PDE7A: variants seen among roughly 807,000 people sequenced by gnomAD.
The protein encoded by PDE7A is phosphodiesterase 7A, also known as high affinity 3',5'-cyclic-AMP phosphodiesterase 7A.
Under a neutral mutation model 64.3 loss-of-function variants are expected in PDE7A, and 39 were observed. The observed-to-expected ratio is 0.61, with a 90% CI of 0.47 to 0.79. The LOEUF (loss-of-function observed/expected upper bound fraction) is 0.79, where lower values mean the gene tolerates loss of function less well. Among genes scored for constraint, PDE7A ranks in the 30% least tolerant of loss-of-function variants. The pLI is 0.00. For missense variants in PDE7A, 470 were observed against 582.8 expected, an observed-to-expected ratio of 0.81 and a Z score of 1.99; for synonymous variants, 203 against 206.8, an observed-to-expected ratio of 0.98 and a Z score of 0.16.
chr8:65,772,848 AC>A (rs1235385519), intron 3 of PDE7A, among the ~76,000 whole-genome samples: 3 of 152,078 alleles, frequency 2.0e-5, no homozygotes, highest in African/African-American at 7.2e-5. Flanking sequence ...TAATAAAAAT[AC>A]AAAAAAAAAT....
intron 1 of PDE7A, among the ~76,000 whole-genome samples, chr8:65,825,110 A>G (rs1810638675): frequency 6.6e-6 from 1 of 152,206 alleles, no homozygotes; most frequent in South Asian, 2.1e-4. Flanking sequence ...AATCATCACA[A>G]TATTTTTACA....
intron 1 of PDE7A, among the ~76,000 whole-genome samples, chr8:65,834,499 A>G (rs1366505762): frequency 6.6e-6 from 1 of 152,176 alleles, no homozygotes; most frequent in Non-Finnish European, 1.5e-5. Flanking sequence ...GGTCAGCTGT[A>G]ATTATAATTG....
At chr8:65,723,279 G>A (rs1473347343) in intron 12 of PDE7A, 2 of 215,994 alleles carry the variant, frequency 9.3e-6, no homozygotes, top group Non-Finnish European at 8.9e-6. Flanking sequence ...TTCCACATGA[G>A]CGAATAATGG....
intron 3 of PDE7A, among the ~76,000 whole-genome samples, chr8:65,764,166 T>C (rs1270059288): frequency 1.3e-5 from 2 of 152,224 alleles, no homozygotes; most frequent in African/African-American, 4.8e-5. Flanking sequence ...GATAGGAGCA[T>C]GGGTGATAGA....
chr8:65,740,787 C>T (rs1807390647), intron 5 of PDE7A, among the ~76,000 whole-genome samples: 1 of 152,174 alleles, frequency 6.6e-6, no homozygotes, highest in Non-Finnish European at 1.5e-5. Context: ...CCCCACCCCA[C>T]CCCACCAATC....
At chr8:65,756,039 G>A (rs962323846) in intron 3 of PDE7A, among the ~76,000 whole-genome samples, 2 of 152,200 alleles carry the variant, frequency 1.3e-5, no homozygotes, top group Middle Eastern at 3.2e-3. Context: ...TATGGAATTC[G>A]TGGTTGACAG....
intron 3 of PDE7A, chr8:65,765,479 A>C (rs1328882842): frequency 9.8e-6 from 1 of 101,840 alleles, no homozygotes; most frequent in East Asian, 3.2e-4. Flanking sequence ...ACAGAGCGAG[A>C]CTCCGTCTCA....
chr8:65,753,435 G>C (rs887218959), intron 3 of PDE7A, among the ~76,000 whole-genome samples: 1 of 152,106 alleles, frequency 6.6e-6, no homozygotes, highest in Non-Finnish European at 1.5e-5. Context: ...GACTGCACTG[G>C]ACCCTGCTTA....
At chr8:65,839,825 T>A (rs898942891) in intron 1 of PDE7A, among the ~76,000 whole-genome samples, 5 of 152,226 alleles carry the variant, frequency 3.3e-5, no homozygotes, top group African/African-American at 2.4e-5. Flanking sequence ...CAGCCTCATT[T>A]TAATCCCTTG....
intron 11 of PDE7A, 73 bp from the exon 12 acceptor site, chr8:65,723,694 C>T: frequency 9.9e-7 from 1 of 1,012,832 alleles, no homozygotes; most frequent in East Asian, 3.2e-5. Context: ...AAGGCTTGAA[C>T]ATACCTGTGC....
chr8:65,794,388 GA>G (rs1480629222), intron 1 of PDE7A, among the ~76,000 whole-genome samples: 1 of 148,176 alleles, frequency 6.7e-6, no homozygotes, highest in African/African-American at 2.5e-5. Context: ...TGTTTATCTT[GA>G]AAGATACTTT....
intron 10 of PDE7A, 47 bp from the exon 11 acceptor site, chr8:65,724,398 A>T: frequency 7.9e-7 from 1 of 1,269,924 alleles, no homozygotes; most frequent in Non-Finnish European, 1.1e-6. Flanking sequence ...TACACACTTG[A>T]CAATAATACC....
At chr8:65,833,869 T>C (rs1291946815) in intron 1 of PDE7A, among the ~76,000 whole-genome samples, 2 of 152,100 alleles carry the variant, frequency 1.3e-5, no homozygotes, top group African/African-American at 4.8e-5. Context: ...GAGGGTCATT[T>C]AAGGCCGGGA....
In PDE7A at chr8:65,743,574, A is replaced by G. The variant is rs531193287; in HGVS notation, c.499+1833T>C. On this transcript the variant is annotated intron_variant, in intron 5 of 12. Transcript: ENST00000401827. ...GCATAAGCAAACAGAAGGTATAGAC[A>G]AAGGTATTTCCACTAGGCATTGCCA... is the stretch of plus-strand genomic sequence containing the variant. 1.1e-4 allele frequency among the ~76,000 whole-genome samples: 16 copies of G among 152,374 alleles called. No individual in the cohort carries two copies. In the South Asian group the frequency reaches 3.1e-3, roughly 30 times the overall value.
chr8:65,798,206 A>ATATTTTTT, intron 1 of PDE7A, among the ~76,000 whole-genome samples: 2 of 73,832 alleles, frequency 2.7e-5, no homozygotes, highest in East Asian at 3.6e-4. Flanking sequence ...ATATATATAT[A>ATATTTTTT]TTTTTTTTTT....
chr8:65,730,048 C>T lies in PDE7A; in HGVS notation c.697-2747G>A, dbSNP rs550174378. 2.6e-5 allele frequency among the ~76,000 whole-genome samples: 4 copies of T among 151,982 alleles called. No individual in the cohort carries two copies. The South Asian group carries it at 6.2e-4, about 24-fold the overall frequency. ...AACCTGAGAGGAACCAGGTGCACAG[C>T]AGGAGGTGAGCTGCCAGCCAGTGAG... is the stretch of plus-strand genomic sequence containing the variant. On this transcript the variant is annotated intron_variant, in intron 7 of 12. Transcript: ENST00000401827.
At chr8:65,812,212 GAAAA>G (rs76971303) in intron 1 of PDE7A, among the ~76,000 whole-genome samples, 1 of 66,642 alleles carries the variant, frequency 1.5e-5, no homozygotes, top group Non-Finnish European at 3.4e-5. Flanking sequence ...TTCAAAAACA[GAAAA>G]AAAAAAAAAA....
intron 5 of PDE7A, among the ~76,000 whole-genome samples, chr8:65,742,015 A>G (rs1489672574): frequency 1.3e-5 from 2 of 152,258 alleles, no homozygotes; most frequent in Non-Finnish European, 2.9e-5. Context: ...CATGCAAGAT[A>G]CCAACTGAGG....
At chr8:65,827,252 A>G (rs1810700499) in intron 1 of PDE7A, among the ~76,000 whole-genome samples, 2 of 152,158 alleles carry the variant, frequency 1.3e-5, no homozygotes, top group African/African-American at 4.8e-5. Flanking sequence ...AGATTTCTGT[A>G]TTGCCTTTGT....
Sources: allele counts gnomAD v4.1 joint callset (sites outside exome capture counted in the v4.1 genomes callset), GRCh38; gene constraint gnomAD v4.1.1; transcripts MANE v1.5; gene names NCBI Gene and HGNC (gene_info 2026-07-23, HGNC 2026-07-21).